The following STAP2 variants were observed in gnomAD, a reference collection of about 807,000 sequenced individuals.
The protein encoded by STAP2 is signal transducing adaptor family member 2, also known as signal-transducing adaptor protein 2.
Under a neutral mutation model 52.7 loss-of-function variants are expected in STAP2, and 58 were observed. The observed-to-expected ratio is 1.10, with a 90% CI of 0.89 to 1.37. STAP2 has a LOEUF of 1.37. Among genes scored for constraint, STAP2 ranks in the 40% most tolerant of loss-of-function variants. STAP2 has a pLI of 0.00. For synonymous variants in STAP2, 231 were observed against 210.5 expected (o/e 1.10, Z -0.84); for missense variants, 522 against 519.4 (o/e 1.00, Z -0.05).
At chr19:4,328,632 C>T in intron 6 of STAP2, 43 bp downstream of exon 6, 1 of 1,547,668 alleles carries the variant, frequency 6.5e-7, no homozygotes, top group Non-Finnish European at 8.7e-7. Flanking sequence ...CACCCTCTTC[C>T]CACCCTCCTC....
chr19:4,324,869 T>G, intron 11 of STAP2: 1 of 416,992 alleles, frequency 2.4e-6, no homozygotes, highest in South Asian at 2.6e-5. Context: ...GTGCGGTGGC[T>G]CACGCCTGTA....
rs1971926694 is a variant in STAP2, at chr19:4,333,549, CT to C, written c.297+144del. On this transcript the variant is annotated intron_variant, in intron 3 of 12. Transcript: ENST00000594605. ...TAAACCCTCCCATAGCACCCAGCTC[CT>C]TTGGGGTCAAGACCCAAGTCTTACC... The C allele has an allele frequency of 3.7e-6, 4 of 1,068,350 alleles. No homozygotes were observed. The African/African-American group carries it at 5.0e-5, about 13-fold the overall frequency. The allele number at this position is 1,068,350 out of a possible 1,614,324, so 66.2% of individuals were successfully genotyped here. A position where few individuals can be genotyped will look rare whatever the true frequency, so the allele number is the denominator to read the frequency against.
intron 1 of STAP2, among the ~76,000 whole-genome samples, chr19:4,334,684 AT>A (rs1432094667): frequency 7.4e-6 from 1 of 135,976 alleles, no homozygotes; most frequent in Non-Finnish European, 1.6e-5. Context: ...CCATCCATCT[AT>A]CCATCATGGA....
intron 1 of STAP2, 142 bp downstream of exon 1, chr19:4,338,510 C>T: frequency 1.3e-6 from 1 of 751,232 alleles, no homozygotes; most frequent in South Asian, 2.2e-5. Context: ...GGCCAGAACC[C>T]ACCCCAGTCC....
intron 8 of STAP2, 46 bp from the exon 9 acceptor site, chr19:4,327,053 G>T (rs1356857559): frequency 1.9e-6 from 3 of 1,600,556 alleles, no homozygotes; most frequent in Non-Finnish European, 2.6e-6. Flanking sequence ...GGCCAGGGGC[G>T]GCCCGGTCCG....
At position 4,338,678 on chromosome 19, in the gene STAP2, G is replaced by A; in HGVS notation, c.76C>T (p.Leu26=). The change falls in exon 1 of 13, where the codon CTA becomes TTA. Residue 26 remains leucine (L), a synonymous_variant. Transcript: ENST00000594605. The stretch of plus-strand genomic sequence containing the variant: ...CGGTCACAGGGCCCCTTCTTCTCTA[G>A]AAAGCTCTCATAGTAGTGTGAAGGC... The part of the protein sequence containing the change: ...VLPSHYYESF[L]EKKGPCDRDY... 2 of 1,612,958 alleles carry A rather than the reference G, an allele frequency of 1.2e-6. No individual in the cohort carries two copies. The highest frequency in any genetic ancestry group is 1.7e-6 in the Non-Finnish European group (2 of 1,179,366).
In STAP2 at chr19:4,324,081, G is replaced by A; in HGVS notation, c.*52C>T. 1 of 1,530,982 alleles carries A rather than the reference G, an allele frequency of 6.5e-7. No individual in the cohort carries two copies. The highest frequency in any genetic ancestry group is 8.9e-7 in the Non-Finnish European group (1 of 1,129,206). 94.8% of individuals were successfully genotyped at this position (1,530,982 alleles called of 1,614,324 possible). On this transcript the variant is annotated 3_prime_UTR_variant, in exon 13 of 13. Coordinates refer to ENST00000594605, the MANE Select transcript of STAP2 (RefSeq NM_001013841.2). Reference sequence around the variant, plus strand: ...GTTTTAATCCTGGGAAAAAGAATCTGGCCGCTGGGCCATGCCCTGGGACTA... The same window carrying A: ...GTTTTAATCCTGGGAAAAAGAATCTAGCCGCTGGGCCATGCCCTGGGACTA...
chr19:4,324,443 C>A lies in STAP2; in HGVS notation c.1147+12G>T. ...GGAAGCCCGCCCCGCACTGACCCCG[C>A]AGACCCCTTACCGGCTGTGGGGAAG... is the stretch of plus-strand genomic sequence containing the variant. On this transcript the variant is annotated intron_variant, in intron 12 of 12. Coordinates refer to ENST00000594605, the MANE Select transcript of STAP2 (RefSeq NM_001013841.2). The A allele has an allele frequency of 6.4e-7, 1 of 1,556,272 alleles. No individual in the cohort carries two copies. Among genetic ancestry groups the A allele is most frequent in the East Asian group, 2.4e-5 (1 of 42,532 alleles).
rs374758539 is a variant in STAP2, at chr19:4,328,790, G to A, written c.475C>T (p.Arg159Trp). Residue 159 changes from arginine (R) to tryptophan (W), a missense_variant, in exon 6 of 13, where the codon CGG (arginine) becomes TGG (tryptophan). Transcript: ENST00000594605. ...ETPSCFLKVSRLEAQLLLERY... is the reference protein window; with the variant it reads ...ETPSCFLKVSWLEAQLLLERY... The stretch of plus-strand genomic sequence containing the variant: ...TCCAGGAGCAGTTGTGCCTCCAGCC[G>A]GCTCACCTTCAGGAAGCACCTGTGG... 3.7e-6 allele frequency: 6 copies of A among 1,611,252 alleles called. No homozygotes were observed. The highest frequency in any genetic ancestry group is 5.1e-6 in the Non-Finnish European group (6 of 1,179,304).
At chr19:4,336,260 C>T (rs929769066) in intron 1 of STAP2, among the ~76,000 whole-genome samples, 2 of 151,136 alleles carry the variant, frequency 1.3e-5, no homozygotes, top group Non-Finnish European at 2.9e-5. Flanking sequence ...AGTGATCCGC[C>T]GGCCTCGCCC....
At chr19:4,325,576 C>T (rs780586080) in intron 9 of STAP2, 31 bp from the exon 10 acceptor site, 1 of 1,542,978 alleles carries the variant, frequency 6.5e-7, no homozygotes, top group Non-Finnish European at 8.7e-7. Context: ...CTGTCAAGAC[C>T]CATGTCATAC....
At position 4,327,226 on chromosome 19, in the gene STAP2, A is replaced by C; in HGVS notation, c.661T>G (p.Phe221Val). 2 of 1,614,156 alleles carry C rather than the reference A, an allele frequency of 1.2e-6. No homozygotes were observed. Among genetic ancestry groups the C allele is most frequent in the Non-Finnish European group, 1.7e-6 (2 of 1,179,998 alleles). The stretch of plus-strand genomic sequence containing the variant: ...ACGGCGTCCAGGGAGGTGCAAGAGA[A>C]CTGGGGGCAGATGGGGGAGCGGTCA... ...PKYVIDVEQPFSCTSLDAVVN... is the reference protein window; with the variant it reads ...PKYVIDVEQPVSCTSLDAVVN... Residue 221 changes from phenylalanine to valine, a missense_variant and splice_region_variant, in exon 8 of 13, where the codon TTC (phenylalanine) becomes GTC (valine). Coordinates refer to ENST00000594605, the MANE Select transcript of STAP2 (RefSeq NM_001013841.2).
intron 12 of STAP2, 31 bp from the exon 13 acceptor site, chr19:4,324,228 G>C (rs1971745142): frequency 6.5e-7 from 1 of 1,548,038 alleles, no homozygotes; most frequent in African/African-American, 1.4e-5. Flanking sequence ...GCTGCAGCTG[G>C]CTCAGGGATC....
chr19:4,325,362 C>T (rs377301215), intron 10 of STAP2, 34 bp downstream of exon 10: 5 of 1,613,996 alleles, frequency 3.1e-6, no homozygotes, highest in Non-Finnish European at 4.2e-6. Flanking sequence ...GTTTCCCCAA[C>T]CCCCAGCTCT....
Position 4,333,689 on chromosome 19 carries a change from C to G in STAP2, c.297+5G>C, listed in dbSNP as rs550795526. 1.2e-6 allele frequency: 2 copies of G among 1,610,606 alleles called. No homozygotes were observed. The highest frequency in any genetic ancestry group is 2.7e-5 in the African/African-American group (2 of 74,882). On this transcript the variant is annotated splice_donor_5th_base_variant and intron_variant, in intron 3 of 12. Transcript: ENST00000594605. ...CCCTCTGCACCCCTCCAGCAAGGGA[C>G]CTACCTTGAACTTGATCTCCTGATC...
At position 4,327,167 on chromosome 19, in the gene STAP2, C is replaced by G. The variant is rs772108624; in HGVS notation, c.720G>C (p.Ala240=). ...CCTCGTCTAACAGGAATGGCACCAGCGCCTTTTTGGTATGCGACACGAAAT... is the reference window on the plus strand; with the variant it reads ...CCTCGTCTAACAGGAATGGCACCAGGGCCTTTTTGGTATGCGACACGAAAT... ...VNYFVSHTKK[A]LVPFLLDEDY... The change falls in exon 8 of 13, where the codon GCG becomes GCC. Residue 240 remains alanine (A), a synonymous_variant. Transcript: ENST00000594605. The G allele has an allele frequency of 6.2e-7, 1 of 1,614,206 alleles. No individual in the cohort carries two copies. Among genetic ancestry groups the G allele is most frequent in the Non-Finnish European group, 8.5e-7 (1 of 1,180,036 alleles).
Position 4,327,008 on chromosome 19 carries a change from C to T in STAP2, c.764-1G>A. ...TTCTCCTTATCGGCTTCCACGTAGC[C>T]TGGAACAGAGAGGGCGGCCTGGAGG... is the stretch of plus-strand genomic sequence containing the variant. On this transcript the variant is annotated splice_acceptor_variant, in intron 8 of 12. Transcript: ENST00000594605. LOFTEE classifies it high-confidence loss of function. The T allele has an allele frequency of 6.4e-7, 1 of 1,565,518 alleles. No homozygotes were observed. The highest frequency in any genetic ancestry group is 8.7e-7 in the Non-Finnish European group (1 of 1,153,954).
At chr19:4,325,692 C>A in intron 9 of STAP2, 147 bp from the exon 10 acceptor site, 1 of 1,038,206 alleles carries the variant, frequency 9.6e-7, no homozygotes, top group South Asian at 1.7e-5. Context: ...GTGTCTGGGC[C>A]GGGCGCGGTG....
At chr19:4,338,063 G>A (rs549087352) in intron 1 of STAP2, among the ~76,000 whole-genome samples, 118 of 152,258 alleles carry the variant, frequency 7.7e-4, no homozygotes, top group Middle Eastern at 3.4e-3. Flanking sequence ...TTGGGAAGGA[G>A]AGATAGGGCC....
Sources: allele counts gnomAD v4.1 joint callset (sites outside exome capture counted in the v4.1 genomes callset), GRCh38; gene constraint gnomAD v4.1.1; transcripts MANE v1.5; gene names NCBI Gene and HGNC (gene_info 2026-07-23, HGNC 2026-07-21).